SPRN: variants seen among roughly 807,000 people sequenced by gnomAD.
SPRN encodes the protein hypothetical protein BC004409.
For missense variants in SPRN, 312 were observed against 241.4 expected (o/e 1.29, Z -1.94); for synonymous variants, 182 against 123.4 (o/e 1.48, Z -3.15).
rs1343679304 is a variant in SPRN at position 133,423,565 on chromosome 10, G to C, written c.117C>G (p.Val39=). The C allele has an allele frequency of 7.6e-7, 1 of 1,324,204 alleles. No homozygotes were observed. Among genetic ancestry groups the C allele is most frequent in the South Asian group, 2.1e-5 (1 of 47,176 alleles). 82.0% of individuals were successfully genotyped at this position (1,324,204 alleles called of 1,614,324 possible). The change falls in exon 2 of 2, where the codon GTC becomes GTG. Residue 39 remains valine, a synonymous_variant. Transcript: ENST00000685335. ...TCGAGGCCCCGCGCGCACCCCCGCG[G>C]ACCCCTCCCCGGGCACTGCCCCGCG... ...GGARGSARGG[V]RGGARGASRV... is the part of the protein sequence containing the mutation.
chr10:133,423,448 T>G lies in SPRN; in HGVS notation c.234A>C (p.Gly78=), dbSNP rs1224368839. The part of the protein sequence containing the change: ...AAGAAAGAAA[G]AAAGLAAGSG... ...AGCCCGCCGCCAGGCCCGCGGCCGC[T>G]CCCGCCGCCGCCCCGGCTGCCGCCC... is the stretch of plus-strand genomic sequence containing the variant. The change falls in exon 2 of 2, where the codon GGA becomes GGC. Residue 78 remains glycine (G), a synonymous_variant. Transcript: ENST00000685335. 1 of 1,234,164 alleles carries G rather than the reference T, an allele frequency of 8.1e-7. No homozygotes were observed. Among genetic ancestry groups the G allele is most frequent in the Non-Finnish European group, 1.0e-6 (1 of 992,198 alleles). 76.5% of individuals were successfully genotyped at this position (1,234,164 alleles called of 1,614,324 possible). A position where few individuals can be genotyped will look rare whatever the true frequency, so the allele number is the denominator to read the frequency against.
chr10:133,423,272 A>G lies in SPRN; in HGVS notation c.410T>C (p.Leu137Pro). The G allele has an allele frequency of 1.3e-6, 2 of 1,513,096 alleles. No individual in the cohort carries two copies. The highest frequency in any genetic ancestry group is 2.5e-5 in the South Asian group (2 of 81,366). The allele number at this position is 1,513,096 out of a possible 1,614,324, so 93.7% of individuals were successfully genotyped here. ...AGPTRGPRLC[L>P]VLGGALGALG... ...GGCTCCGAGGGCGCCGCCCAGCACG[A>G]GACAGAGACGCGGGCCGCGCGTGGG... Residue 137 changes from leucine to proline, a missense_variant, in exon 2 of 2, where the codon CTC (leucine) becomes CCC (proline). Physicochemically the swap from Leu to Pro is moderately conservative, Grantham distance 98. Transcript: ENST00000685335.
rs996349156 is a variant in SPRN, at chr10:133,421,358, G to A, written c.*1868C>T. ...CATAACTGGAACATTCCATCAGCTT[G>A]CAGTGCTGTGGTGTGTGAGGGTCTG... On this transcript the variant is annotated 3_prime_UTR_variant, in exon 2 of 2. Transcript: ENST00000685335. 3 of 153,318 alleles carry A rather than the reference G, an allele frequency of 2.0e-5. No homozygotes were observed. Among genetic ancestry groups the A allele is most frequent in the Admixed American group, 6.5e-5 (1 of 15,298 alleles). 9.5% of individuals were successfully genotyped at this position (153,318 alleles called of 1,614,324 possible). A position where few individuals can be genotyped will look rare whatever the true frequency, so the allele number is the denominator to read the frequency against.
Position 133,423,258 on chromosome 10 carries a change from C to A in SPRN, c.424G>T (p.Ala142Ser), listed in dbSNP as rs1286001948. Residue 142 changes from alanine to serine, a missense_variant, in exon 2 of 2, where the codon GCC becomes TCC. Physicochemically the swap from Ala to Ser is moderately conservative, Grantham distance 99. Coordinates refer to ENST00000685335, the MANE Select transcript of SPRN (RefSeq NM_001391974.1). ...GPRLCLVLGGALGALGLLRP is the reference protein window; with the variant it reads ...GPRLCLVLGGSLGALGLLRP ...CGCAGCAGCCCCAGGGCTCCGAGGG[C>A]GCCGCCCAGCACGAGACAGAGACGC... is the stretch of plus-strand genomic sequence containing the variant. 6.7e-7 allele frequency: 1 copy of A among 1,489,684 alleles called. No homozygotes were observed. The highest frequency in any genetic ancestry group is 8.9e-7 in the Non-Finnish European group (1 of 1,122,434). 92.3% of individuals were successfully genotyped at this position (1,489,684 alleles called of 1,614,324 possible).
Position 133,423,174 on chromosome 10 carries a change from T to G in SPRN, c.*52A>C. The G allele has an allele frequency of 1.5e-6, 2 of 1,361,682 alleles. No individual in the cohort carries two copies. The highest frequency in any genetic ancestry group is 3.0e-5 in the East Asian group (1 of 33,206). 84.3% of individuals were successfully genotyped at this position (1,361,682 alleles called of 1,614,324 possible). A position where few individuals can be genotyped will look rare whatever the true frequency, so the allele number is the denominator to read the frequency against. On this transcript the variant is annotated 3_prime_UTR_variant, in exon 2 of 2. Transcript: ENST00000685335. ...AGGGGGAGCCCAGGCCGGAGGATCC[T>G]GGGGGATGGCGCGGGCCGGGGGCCA...
Position 133,423,064 on chromosome 10 carries a change from G to T in SPRN, c.*162C>A. The T allele has an allele frequency of 1.3e-6, 1 of 747,646 alleles. No individual in the cohort carries two copies. Among genetic ancestry groups the T allele is most frequent in the Non-Finnish European group, 2.1e-6 (1 of 476,258 alleles). The allele number at this position is 747,646 out of a possible 1,614,324, so 46.3% of individuals were successfully genotyped here. A position where few individuals can be genotyped will look rare whatever the true frequency, so the allele number is the denominator to read the frequency against. On this transcript the variant is annotated 3_prime_UTR_variant, in exon 2 of 2. Transcript: ENST00000685335. ...GGGAGGTGGCAGGCTGAGGCGGCGT[G>T]GGCAGGACGGTGGATGGCGGGTCCA...
Position 133,423,504 on chromosome 10 carries a change from G to T in SPRN, c.178C>A (p.Pro60Thr). The change falls in exon 2 of 2, where the codon CCG becomes ACG. Residue 60 changes from proline to threonine, a missense_variant. Coordinates refer to ENST00000685335, the MANE Select transcript of SPRN (RefSeq NM_001391974.1). ...RVRPAQRYGAPGSSLRVAAAG... is the reference protein window; with the variant it reads ...RVRPAQRYGATGSSLRVAAAG... ...GCAGCCACGCGCAGGGAGGAGCCCG[G>T]GGCACCGTAGCGCTGCGCCGGCCTC... The T allele has an allele frequency of 8.5e-7, 1 of 1,173,222 alleles. No individual in the cohort carries two copies. The highest frequency in any genetic ancestry group is 1.0e-6 in the Non-Finnish European group (1 of 953,620). 72.7% of individuals were successfully genotyped at this position (1,173,222 alleles called of 1,614,324 possible).
Position 133,423,190 on chromosome 10 carries a change from C to T in SPRN, c.*36G>A, listed in dbSNP as rs1450359054. 2.9e-6 allele frequency: 4 copies of T among 1,365,130 alleles called. No individual in the cohort carries two copies. The highest frequency in any genetic ancestry group is 3.8e-6 in the Non-Finnish European group (4 of 1,056,934). 84.6% of individuals were successfully genotyped at this position (1,365,130 alleles called of 1,614,324 possible). Reference sequence around the variant, plus strand: ...GGAGGATCCTGGGGGATGGCGCGGGCCGGGGGCCAGATGTGGTCCCCGAGC... The same window carrying T: ...GGAGGATCCTGGGGGATGGCGCGGGTCGGGGGCCAGATGTGGTCCCCGAGC... On this transcript the variant is annotated 3_prime_UTR_variant, in exon 2 of 2. Transcript: ENST00000685335.
intron 1 of SPRN, 24 bp from the exon 2 acceptor site, chr10:133,423,721 C>G: frequency 6.8e-7 from 1 of 1,479,140 alleles, no homozygotes; most frequent in Non-Finnish European, 9.1e-7. Flanking sequence ...GGGAAAGGGC[C>G]CTTAGTTTCC....
Position 133,423,027 on chromosome 10 carries a change from TCTC to T in SPRN, c.*196_*198del, listed in dbSNP as rs1240812760. 6 of 520,554 alleles carry T rather than the reference TCTC, an allele frequency of 1.2e-5. No homozygotes were observed. The highest frequency in any genetic ancestry group is 4.0e-5 in the African/African-American group (2 of 49,846). The allele number at this position is 520,554 out of a possible 1,614,324, so 32.2% of individuals were successfully genotyped here. A position where few individuals can be genotyped will look rare whatever the true frequency, so the allele number is the denominator to read the frequency against. On this transcript the variant is annotated 3_prime_UTR_variant, in exon 2 of 2. Coordinates refer to ENST00000685335, the MANE Select transcript of SPRN (RefSeq NM_001391974.1). ...GGAGTGGGTGGGGCAGGGCCCATGG[TCTC>T]CTCTAGGTGGGAGGTGGCAGGCTGA...
rs1243232629 is a variant in SPRN, at chr10:133,421,907, G to GC, written c.*1318_*1319insG. 6.8e-6 allele frequency: 1 copy of GC among 147,358 alleles called. No homozygotes were observed. Among genetic ancestry groups the GC allele is most frequent in the Non-Finnish European group, 1.5e-5 (1 of 66,562 alleles). The allele number at this position is 147,358 out of a possible 1,614,324, so 9.1% of individuals were successfully genotyped here. A position where few individuals can be genotyped will look rare whatever the true frequency, so the allele number is the denominator to read the frequency against. ...GGTGAGATCCCAAGGCCACGGCGGG[G>GC]GGCAGGGAGAACCCCTCCTACCCTG... On this transcript the variant is annotated 3_prime_UTR_variant, in exon 2 of 2. Coordinates refer to ENST00000685335, the MANE Select transcript of SPRN (RefSeq NM_001391974.1).
At position 133,423,281 on chromosome 10, in the gene SPRN, C is replaced by T; in HGVS notation, c.401G>A (p.Arg134His). 6.6e-7 allele frequency: 1 copy of T among 1,516,148 alleles called. No individual in the cohort carries two copies. The highest frequency in any genetic ancestry group is 8.8e-7 in the Non-Finnish European group (1 of 1,137,312). 93.9% of individuals were successfully genotyped at this position (1,516,148 alleles called of 1,614,324 possible). A position where few individuals can be genotyped will look rare whatever the true frequency, so the allele number is the denominator to read the frequency against. The part of the protein sequence containing the change: ...TSGAGPTRGP[R>H]LCLVLGGALG... ...GGCGCCGCCCAGCACGAGACAGAGA[C>T]GCGGGCCGCGCGTGGGTCCAGCGCC... The change falls in exon 2 of 2, where the codon CGT (arginine) becomes CAT (histidine). Residue 134 changes from arginine (R) to histidine (H), a missense_variant. Arg to His is a conservative substitution (Grantham distance 29). Transcript: ENST00000685335.
chr10:133,420,957 C>T lies in SPRN; in HGVS notation c.*2269G>A, dbSNP rs1273726252. 6.6e-6 allele frequency: 1 copy of T among 152,396 alleles called. No individual in the cohort carries two copies. 9.4% of individuals were successfully genotyped at this position (152,396 alleles called of 1,614,324 possible). On this transcript the variant is annotated 3_prime_UTR_variant, in exon 2 of 2. Transcript: ENST00000685335. The stretch of plus-strand genomic sequence containing the variant: ...CCCCTCCAGCCCCATTATAGTGCAC[C>T]TGAAGGGGTCCACAGCCTGTGTCCT...
Position 133,422,165 on chromosome 10 carries a change from G to C in SPRN, c.*1061C>G, listed in dbSNP as rs898912422. ...CTCTTGCATGGGTGTCCTGCTGGGC[G>C]CTGGGCCCCGCCACTGGCCCCCTGC... On this transcript the variant is annotated 3_prime_UTR_variant, in exon 2 of 2. Transcript: ENST00000685335. 2 of 152,578 alleles carry C rather than the reference G, an allele frequency of 1.3e-5. No individual in the cohort carries two copies. The highest frequency in any genetic ancestry group is 2.9e-5 in the Non-Finnish European group (2 of 68,314). 9.5% of individuals were successfully genotyped at this position (152,578 alleles called of 1,614,324 possible). A position where few individuals can be genotyped will look rare whatever the true frequency, so the allele number is the denominator to read the frequency against.
Position 133,423,269 on chromosome 10 carries a change from A to G in SPRN, c.413T>C (p.Val138Ala). ...CAGGGCTCCGAGGGCGCCGCCCAGCACGAGACAGAGACGCGGGCCGCGCGT... is the reference window on the plus strand; with the variant it reads ...CAGGGCTCCGAGGGCGCCGCCCAGCGCGAGACAGAGACGCGGGCCGCGCGT... ...GPTRGPRLCL[V>A]LGGALGALGL... Residue 138 changes from valine to alanine, a missense_variant, in exon 2 of 2, where the codon GTG becomes GCG. By Grantham distance (64) the Val-to-Ala change is moderately conservative. Transcript: ENST00000685335. 1 of 1,503,356 alleles carries G rather than the reference A, an allele frequency of 6.7e-7. No homozygotes were observed. The highest frequency in any genetic ancestry group is 8.8e-7 in the Non-Finnish European group (1 of 1,130,022). The allele number at this position is 1,503,356 out of a possible 1,614,324, so 93.1% of individuals were successfully genotyped here. A position where few individuals can be genotyped will look rare whatever the true frequency, so the allele number is the denominator to read the frequency against.
At chr10:133,423,977 TTCAG>T (rs1850312153) in intron 1 of SPRN, among the ~76,000 whole-genome samples, 2 of 2,860 alleles carry the variant, frequency 7.0e-4, no homozygotes, top group Non-Finnish European at 1.9e-3. Flanking sequence ...GGCAGGAGCG[TTCAG>T]GCCTCTGGGG....
rs774841880 is a variant in SPRN at position 133,423,431 on chromosome 10, G to T, written c.251C>A (p.Ala84Glu). ...GAAAGAAAGLAAGSGWRRAAG... is the reference protein window; with the variant it reads ...GAAAGAAAGLEAGSGWRRAAG... ...GGCCCTTCTCCAGCCCGAGCCCGCC[G>T]CCAGGCCCGCGGCCGCTCCCGCCGC... is the stretch of plus-strand genomic sequence containing the variant. The change falls in exon 2 of 2, where the codon GCG (alanine) becomes GAG (glutamate). Residue 84 changes from alanine (A) to glutamate (E), a missense_variant. Physicochemically the swap from Ala to Glu is moderately radical, Grantham distance 107. Coordinates refer to ENST00000685335, the MANE Select transcript of SPRN (RefSeq NM_001391974.1). 6 of 1,327,718 alleles carry T rather than the reference G, an allele frequency of 4.5e-6. No homozygotes were observed. The South Asian group carries it at 6.4e-5, about 14-fold the overall frequency. The allele number at this position is 1,327,718 out of a possible 1,614,324, so 82.2% of individuals were successfully genotyped here.
In SPRN at chr10:133,422,591, C is replaced by G. The variant is rs1460350327; in HGVS notation, c.*635G>C. 2.0e-5 allele frequency: 3 copies of G among 152,292 alleles called. No homozygotes were observed. Among genetic ancestry groups the G allele is most frequent in the African/African-American group, 7.2e-5 (3 of 41,426 alleles). 9.4% of individuals were successfully genotyped at this position (152,292 alleles called of 1,614,324 possible). On this transcript the variant is annotated 3_prime_UTR_variant, in exon 2 of 2. Transcript: ENST00000685335. ...GTGGGGGAGAAGGCCTGGACAGCCC[C>G]TCAGGGCAGGGTGTGTTTTCCCACC...
In SPRN at chr10:133,423,431, G is replaced by A. The variant is rs774841880; in HGVS notation, c.251C>T (p.Ala84Val). The change falls in exon 2 of 2, where the codon GCG (alanine) becomes GTG (valine). Residue 84 changes from alanine to valine, a missense_variant. By Grantham distance (64) the Ala-to-Val change is moderately conservative. Coordinates refer to ENST00000685335, the MANE Select transcript of SPRN (RefSeq NM_001391974.1). ...GAAAGAAAGL[A>V]AGSGWRRAAG... ...GGCCCTTCTCCAGCCCGAGCCCGCCGCCAGGCCCGCGGCCGCTCCCGCCGC... is the reference window on the plus strand; with the variant it reads ...GGCCCTTCTCCAGCCCGAGCCCGCCACCAGGCCCGCGGCCGCTCCCGCCGC... 5 of 1,327,608 alleles carry A rather than the reference G, an allele frequency of 3.8e-6. No homozygotes were observed. Among genetic ancestry groups the A allele is most frequent in the Non-Finnish European group, 2.9e-6 (3 of 1,039,060 alleles). 82.2% of individuals were successfully genotyped at this position (1,327,608 alleles called of 1,614,324 possible). A position where few individuals can be genotyped will look rare whatever the true frequency, so the allele number is the denominator to read the frequency against.
Sources: allele counts gnomAD v4.1 joint callset (sites outside exome capture counted in the v4.1 genomes callset), GRCh38; gene constraint gnomAD v4.1.1; transcripts MANE v1.5; gene names NCBI Gene and HGNC (gene_info 2026-07-23, HGNC 2026-07-21).